The following CDHR3 variants were observed in gnomAD, a reference collection of about 807,000 sequenced individuals.
CDHR3 encodes the protein cadherin related family member 3.
CDHR3 carries 79 observed loss-of-function variants against 86.6 expected under a neutral mutation model. The observed-to-expected ratio is 0.91, with a 90% CI of 0.76 to 1.10. The LOEUF is 1.10. Ranked by LOEUF, CDHR3 falls within the 50% of genes least tolerant of loss-of-function variation. The pLI is 0.00. For missense variants in CDHR3, 1,081 were observed against 1,077.6 expected, an observed-to-expected ratio of 1.00 and a Z score of -0.04; for synonymous variants, 421 against 402.4, an observed-to-expected ratio of 1.05 and a Z score of -0.55.
At chr7:105,967,150 T>C (rs1444734095) in intron 1 of CDHR3, among the ~76,000 whole-genome samples, 1 of 152,176 alleles carries the variant, frequency 6.6e-6, no homozygotes, top group East Asian at 1.9e-4. Context: ...TTCCCCTTCC[T>C]GTGTCCAAGT....
chr7:105,977,160 T>G (rs918281734), intron 2 of CDHR3, among the ~76,000 whole-genome samples: 1 of 152,176 alleles, frequency 6.6e-6, no homozygotes, highest in Non-Finnish European at 1.5e-5. Flanking sequence ...TATTTAGAAA[T>G]GTTTTATTCC....
chr7:105,991,823 G>C (rs369449333), intron 4 of CDHR3, among the ~76,000 whole-genome samples: 3 of 152,142 alleles, frequency 2.0e-5, no homozygotes, highest in African/African-American at 7.2e-5. Context: ...CCTTCTAATG[G>C]GACAGCAGTA....
chr7:105,981,366 C>A (rs1178878959), intron 3 of CDHR3, among the ~76,000 whole-genome samples: 1 of 152,176 alleles, frequency 6.6e-6, no homozygotes, highest in Non-Finnish European at 1.5e-5. Flanking sequence ...CCCTCCCAGT[C>A]CCAGGGAGGA....
rs574450144 is a variant in CDHR3 at position 105,996,315 on chromosome 7, A to G, written c.674A>G (p.Asn225Ser). Residue 225 changes from asparagine (N) to serine (S), a missense_variant, in exon 6 of 19, where the codon AAC becomes AGC. Asn to Ser is a conservative substitution (Grantham distance 46). Transcript: ENST00000317716. ...GLKASTELQV[N>S]IVNLNDEVPR... is the part of the protein sequence containing the mutation. The stretch of plus-strand genomic sequence containing the variant: ...AAAGCCTCCACAGAGCTCCAGGTGA[A>G]CATCGTGAACCTCAACGACGAAGTC... 1.3e-5 allele frequency: 20 copies of G among 1,599,654 alleles called. No individual in the cohort carries two copies. Among genetic ancestry groups the G allele is most frequent in the Non-Finnish European group, 1.7e-5 (20 of 1,168,642 alleles).
In CDHR3 at chr7:106,030,727, G is replaced by A. The variant is rs1489548455; in HGVS notation, c.2305-65G>A. 2 of 1,497,378 alleles carry A rather than the reference G, an allele frequency of 1.3e-6. No individual in the cohort carries two copies. Among genetic ancestry groups the A allele is most frequent in the Admixed American group, 1.9e-5 (1 of 53,276 alleles). 92.8% of individuals were successfully genotyped at this position (1,497,378 alleles called of 1,614,324 possible). The stretch of plus-strand genomic sequence containing the variant: ...GTTAAGGAACTTGGGTTGTGAGGAT[G>A]TGTAGCTTTGCCTGGGGGAAGGAAT... On this transcript the variant is annotated intron_variant, in intron 17 of 18. Transcript: ENST00000317716. This position sits in a 1 kb window ranked among gnomAD's most constrained non-coding sequence, Gnocchi z 4.8.
intron 1 of CDHR3, among the ~76,000 whole-genome samples, chr7:105,967,891 C>T (rs568935535): frequency 6.5e-4 from 99 of 152,200 alleles, no homozygotes; most frequent in South Asian, 1.2e-3. Context: ...AAATTTTTCT[C>T]CTATTCTGTA....
At chr7:105,998,780 A>T (rs1832665828) in intron 6 of CDHR3, among the ~76,000 whole-genome samples, 1 of 151,916 alleles carries the variant, frequency 6.6e-6, no homozygotes, top group African/African-American at 2.4e-5. Flanking sequence ...CCAGAACTCC[A>T]TCTCAAACAA....
chr7:105,995,024 T>C (rs1831970525), intron 5 of CDHR3, among the ~76,000 whole-genome samples, 179 bp downstream of exon 5: 1 of 152,204 alleles, frequency 6.6e-6, no homozygotes, highest in African/African-American at 2.4e-5. Flanking sequence ...AAGGCAATTG[T>C]CTGGGAGGCC....
In CDHR3 at chr7:105,994,849, G is replaced by A; in HGVS notation, c.608+4G>A. 1 of 1,600,690 alleles carries A rather than the reference G, an allele frequency of 6.2e-7. No individual in the cohort carries two copies. Among genetic ancestry groups the A allele is most frequent in the South Asian group, 1.1e-5 (1 of 88,640 alleles). On this transcript the variant is annotated splice_donor_region_variant and intron_variant, in intron 5 of 18. Coordinates refer to ENST00000317716, the MANE Select transcript of CDHR3 (RefSeq NM_152750.5). Reference sequence around the variant, plus strand: ...ACTTTGAAGCAGGACACAGAAGGTAGTCTTGCTATTGACCTTGCATGAAGT... The same window carrying A: ...ACTTTGAAGCAGGACACAGAAGGTAATCTTGCTATTGACCTTGCATGAAGT...
intron 9 of CDHR3, among the ~76,000 whole-genome samples, chr7:106,013,838 G>A (rs1044846100): frequency 2.6e-5 from 4 of 152,170 alleles, no homozygotes; most frequent in African/African-American, 7.2e-5. Context: ...AATATAGAAA[G>A]CACAGAAAAG....
At chr7:106,023,535 T>TTCCTCCTCCTCTTCCTCCTCC (rs1489569601) in intron 14 of CDHR3, among the ~76,000 whole-genome samples, 2 of 152,138 alleles carry the variant, frequency 1.3e-5, no homozygotes, top group African/African-American at 4.8e-5. Flanking sequence ...GTCCCCTTTC[T>TTCCTCCTCCTCTTCCTCCTCC]TCCTCCTCCT....
chr7:106,015,803 T>C (rs1338299004), intron 10 of CDHR3, 124 bp from the exon 11 acceptor site: 3 of 743,414 alleles, frequency 4.0e-6, no homozygotes, highest in African/African-American at 1.7e-5. Context: ...GGAGCTCCCA[T>C]GTCTTAGCCA....
chr7:106,016,768 A>G (rs1416551179), intron 11 of CDHR3, among the ~76,000 whole-genome samples: 1 of 152,130 alleles, frequency 6.6e-6, no homozygotes, highest in Non-Finnish European at 1.5e-5. Flanking sequence ...TAAGTTTTCA[A>G]GCAAAATGCA....
intron 6 of CDHR3, among the ~76,000 whole-genome samples, chr7:105,996,640 G>A (rs1397541738): frequency 1.3e-5 from 2 of 152,168 alleles, no homozygotes; most frequent in African/African-American, 4.8e-5. Flanking sequence ...GGCCTGCACT[G>A]TGCACATGCA....
In CDHR3 at chr7:106,030,169, G is replaced by A. The variant is rs189587036; in HGVS notation, c.2305-623G>A. Among the ~76,000 whole-genome samples, 354 of 152,330 alleles carry A rather than the reference G, an allele frequency of 2.3e-3. No homozygotes were observed. Among genetic ancestry groups the A allele is most frequent in the Admixed American group, 5.0e-3 (77 of 15,310 alleles). Reference sequence around the variant, plus strand: ...TGTGAGGGAAGGGGGTGTTTCTATGGGGACAAGGGACAGGTGCATTAGGCA... The same window carrying A: ...TGTGAGGGAAGGGGGTGTTTCTATGAGGACAAGGGACAGGTGCATTAGGCA... On this transcript the variant is annotated intron_variant, in intron 17 of 18. Transcript: ENST00000317716. The surrounding 1 kb of genome is among the most constrained non-coding windows in gnomAD (Gnocchi z 4.8).
In CDHR3 at chr7:106,035,345, G is replaced by A. The variant is rs980163240; in HGVS notation, c.*2648G>A. On this transcript the variant is annotated 3_prime_UTR_variant, in exon 19 of 19. Transcript: ENST00000317716. ...AAGAAATAGGGGCAAGAGTGCGCCA[G>A]GAGGAGAGAACACCTGCTGCCCCGT... 6.6e-6 allele frequency among the ~76,000 whole-genome samples: 1 copy of A among 152,194 alleles called. No homozygotes were observed. Among genetic ancestry groups the A allele is most frequent in the Non-Finnish European group, 1.5e-5 (1 of 68,034 alleles).
chr7:105,985,754 A>G (rs1321889893), intron 4 of CDHR3, among the ~76,000 whole-genome samples: 2 of 152,158 alleles, frequency 1.3e-5, no homozygotes, highest in East Asian at 1.9e-4. Context: ...ATGGGTGTCT[A>G]TGTGTTAAGA....
chr7:106,028,867 T>C (rs1202809060), intron 17 of CDHR3, among the ~76,000 whole-genome samples: 1 of 152,164 alleles, frequency 6.6e-6, no homozygotes, highest in Non-Finnish European at 1.5e-5. Flanking sequence ...GTTGAGGGAG[T>C]GAAGCTTAAA....
chr7:106,011,218 A>G (rs555103616), intron 8 of CDHR3, among the ~76,000 whole-genome samples: 1 of 152,346 alleles, frequency 6.6e-6, no homozygotes, highest in South Asian at 2.1e-4. Context: ...CTCTTTATGC[A>G]TGCTCCTTTG....
Sources: gnomAD v4.1 joint callset for allele counts (sites outside exome capture counted in the v4.1 genomes callset) on GRCh38, gnomAD v4.1.1 for gene constraint, Gnocchi (gnomAD v3.1) non-coding constraint, MANE v1.5 for transcripts, NCBI Gene and HGNC (gene_info 2026-07-23, HGNC 2026-07-21) for gene names.